MTA3: variants seen among roughly 807,000 people sequenced by gnomAD.
The protein encoded by MTA3 is metastasis-associated protein MTA3.
MTA3 carries 34 observed loss-of-function variants against 83.5 expected under a neutral mutation model. The observed-to-expected ratio is 0.41, with a 90% CI of 0.31 to 0.54. The LOEUF (loss-of-function observed/expected upper bound fraction) is 0.54, where lower values mean the gene tolerates loss of function less well. Ranked by LOEUF, MTA3 falls within the 20% of genes least tolerant of loss-of-function variation. The pLI, the probability that MTA3 is intolerant of heterozygous loss-of-function variation, is 0.33. For synonymous variants in MTA3, 303 were observed against 252.7 expected (o/e 1.20, Z -1.89); for missense variants, 761 against 726.4 (o/e 1.05, Z -0.55).
intron 4 of MTA3, among the ~76,000 whole-genome samples, chr2:42,638,825 A>G (rs1282540164): frequency 6.6e-6 from 1 of 151,776 alleles, no homozygotes; most frequent in Non-Finnish European, 1.5e-5. Context: ...TGGAAATACC[A>G]CATGCTCTCA....
chr2:42,507,864 G>C (rs189296963), intron 2 of MTA3, among the ~76,000 whole-genome samples: 1 of 151,564 alleles, frequency 6.6e-6, no homozygotes, highest in Admixed American at 6.6e-5. Flanking sequence ...CCGGGAGGCA[G>C]AGATTGCAGT....
chr2:42,692,247 A>G (rs1374394069), intron 9 of MTA3, among the ~76,000 whole-genome samples: 1 of 152,094 alleles, frequency 6.6e-6, no homozygotes, highest in South Asian at 2.1e-4. Context: ...TAGTTCCACT[A>G]TTAAGTGACT....
intron 16 of MTA3, among the ~76,000 whole-genome samples, chr2:42,738,519 A>G (rs1668769145): frequency 6.6e-6 from 1 of 152,206 alleles, no homozygotes; most frequent in Admixed American, 6.5e-5. Flanking sequence ...ATGTTGCCTC[A>G]GGACTATGTG....
chr2:42,567,403 C>T (rs1677963255), upstream of MTA3, among the ~76,000 whole-genome samples: 1 of 152,164 alleles, frequency 6.6e-6, no homozygotes, highest in South Asian at 2.1e-4. Flanking sequence ...CAAATGTCAT[C>T]ACCAAACCAC....
chr2:42,642,290 C>T (rs190311411), intron 5 of MTA3, among the ~76,000 whole-genome samples: 2 of 152,172 alleles, frequency 1.3e-5, no homozygotes, highest in East Asian at 3.9e-4. Context: ...GTATGGCAAG[C>T]TCCTGTTTTT....
At chr2:42,566,368 T>TTGGA (rs1488711888), upstream of MTA3, among the ~76,000 whole-genome samples, 8 of 152,208 alleles carry the variant, frequency 5.3e-5, no homozygotes, top group Non-Finnish European at 1.2e-4. Context: ...TTCTGATTCT[T>TTGGA]TGAGTCCACG....
chr2:42,649,908 G>A (rs1004935569), intron 6 of MTA3, among the ~76,000 whole-genome samples: 2 of 152,140 alleles, frequency 1.3e-5, no homozygotes, highest in Admixed American at 1.3e-4. Flanking sequence ...AAAGATCAGC[G>A]GACCTTTATG....
In MTA3 at chr2:42,695,891, G is replaced by T; in HGVS notation, c.966+52G>T. ...ATGGTTGCATTTAAGTGAACTTTCT[G>T]TTTATATTTTAATATTTTTTGGCGA... is the stretch of plus-strand genomic sequence containing the variant. On this transcript the variant is annotated intron_variant, in intron 10 of 16. Transcript: ENST00000405094. 4.1e-6 allele frequency: 5 copies of T among 1,206,302 alleles called. No individual in the cohort carries two copies. The East Asian group carries it at 7.9e-5, about 19-fold the overall frequency. The allele number at this position is 1,206,302 out of a possible 1,614,324, so 74.7% of individuals were successfully genotyped here.
chr2:42,534,390 G>A (rs531513499), intron 2 of MTA3, among the ~76,000 whole-genome samples: 1 of 152,294 alleles, frequency 6.6e-6, no homozygotes, highest in East Asian at 1.9e-4. Context: ...GAGGTCAGGA[G>A]TTCAAGACCA....
At chr2:42,639,924 A>G (rs1318841611) in intron 4 of MTA3, among the ~76,000 whole-genome samples, 2 of 152,172 alleles carry the variant, frequency 1.3e-5, no homozygotes, top group African/African-American at 4.8e-5. Context: ...ATTGCATATT[A>G]GGATTTATTG....
chr2:42,679,126 A>G (rs1691644294), intron 8 of MTA3, among the ~76,000 whole-genome samples: 2 of 152,162 alleles, frequency 1.3e-5, no homozygotes, highest in African/African-American at 2.4e-5. Context: ...TTCAGCACCC[A>G]ACTTCCCCTC....
chr2:42,718,928 T>G, intron 14 of MTA3, 60 bp from the exon 15 acceptor site: 1 of 1,226,742 alleles, frequency 8.2e-7, no homozygotes, highest in South Asian at 1.3e-5. Flanking sequence ...CTGTGGTGCA[T>G]GTAGTCTGGC....
At chr2:42,715,239 C>T (rs1408555541) in intron 14 of MTA3, among the ~76,000 whole-genome samples, 1 of 152,158 alleles carries the variant, frequency 6.6e-6, no homozygotes, top group South Asian at 2.1e-4. Context: ...CTAACCAACT[C>T]AAGTGTGGGC....
intron 9 of MTA3, among the ~76,000 whole-genome samples, chr2:42,695,014 C>T (rs1319945911): frequency 6.6e-6 from 1 of 152,014 alleles, no homozygotes; most frequent in Non-Finnish European, 1.5e-5. Context: ...GGTGTCACAC[C>T]TATAGTCCCA....
At chr2:42,724,964 C>T (rs934271088) in intron 16 of MTA3, among the ~76,000 whole-genome samples, 2 of 152,222 alleles carry the variant, frequency 1.3e-5, no homozygotes, top group African/African-American at 4.8e-5. Context: ...CAGAGACCTT[C>T]AGCCTTTTTG....
At chr2:42,547,568 T>C (rs1378191843) in intron 2 of MTA3, among the ~76,000 whole-genome samples, 1 of 152,234 alleles carries the variant, frequency 6.6e-6, no homozygotes, top group African/African-American at 2.4e-5. Context: ...TGACCTCAAG[T>C]GATCCGCCCG....
At chr2:42,751,905 A>G (rs1210220001) in intron 16 of MTA3, among the ~76,000 whole-genome samples, 2 of 152,298 alleles carry the variant, frequency 1.3e-5, no homozygotes, top group African/African-American at 2.4e-5. Flanking sequence ...GGAGGTCAGG[A>G]TGCTCTTACT....
chr2:42,660,375 C>A (rs906650598), intron 8 of MTA3, among the ~76,000 whole-genome samples: 35 of 152,164 alleles, frequency 2.3e-4, no homozygotes, highest in African/African-American at 8.0e-4. Context: ...GCATGAGCCA[C>A]CACACCCGGC....
chr2:42,552,569 C>T (rs1417065520), intron 2 of MTA3, among the ~76,000 whole-genome samples: 5 of 150,048 alleles, frequency 3.3e-5, no homozygotes, highest in Non-Finnish European at 5.9e-5. Context: ...CTGCAATAAA[C>T]GCCCAGATGG....
Sources: gnomAD v4.1 joint callset for allele counts (sites outside exome capture counted in the v4.1 genomes callset) on GRCh38, gnomAD v4.1.1 for gene constraint, MANE v1.5 for transcripts, NCBI Gene and HGNC (gene_info 2026-07-23, HGNC 2026-07-21) for gene names.